The following GABRB1 variants were observed in gnomAD, a reference collection of about 807,000 sequenced individuals.
The protein encoded by GABRB1 is gamma-aminobutyric acid receptor subunit beta-1.
GABRB1 carries 17 observed loss-of-function variants against 51.6 expected under a neutral mutation model. The ratio of observed to expected loss-of-function variants is 0.33; its 90% CI spans 0.23 to 0.49. The LOEUF (loss-of-function observed/expected upper bound fraction) is 0.49. Among genes scored for constraint, GABRB1 ranks in the 20% least tolerant of loss-of-function variants. GABRB1 has a pLI of 0.99. For missense variants in GABRB1, 410 were observed against 600.6 expected (o/e 0.68, Z 3.32); for synonymous variants, 247 against 218.9 (o/e 1.13, Z -1.14).
At chr4:47,161,149 T>C (rs566688365) in intron 3 of GABRB1, 100 bp from the exon 4 acceptor site, 1 of 811,712 alleles carries the variant, frequency 1.2e-6, no homozygotes, top group Non-Finnish European at 1.9e-6. Flanking sequence ...TTTTAATATA[T>C]TCAAATGTAA....
chr4:47,342,368 A>G (rs1256825696), intron 5 of GABRB1, among the ~76,000 whole-genome samples: 1 of 151,136 alleles, frequency 6.6e-6, no homozygotes. Context: ...TACTTGTCTT[A>G]TTCTACAAAA....
chr4:47,036,006 ACCTTACATCGAATGAGT>A (rs1725540895), intron 3 of GABRB1, among the ~76,000 whole-genome samples: 1 of 152,086 alleles, frequency 6.6e-6, no homozygotes, highest in Non-Finnish European at 1.5e-5. Flanking sequence ...CCCCTAGAAG[ACCTTACATCGAATGAGT>A]CCTGACTCAA....
intron 3 of GABRB1, among the ~76,000 whole-genome samples, chr4:47,070,104 C>T (rs879441329): frequency 2.0e-5 from 3 of 151,774 alleles, no homozygotes; most frequent in African/African-American, 4.8e-5. Context: ...GGCATGATCT[C>T]GGCTCACTGC....
chr4:47,275,791 C>A (rs1723052725), intron 4 of GABRB1, among the ~76,000 whole-genome samples: 1 of 152,136 alleles, frequency 6.6e-6, no homozygotes, highest in South Asian at 2.1e-4. Context: ...AAGATTCATG[C>A]ACATTTGGCA....
At chr4:47,407,612 T>TTA (rs1728620296) in intron 8 of GABRB1, among the ~76,000 whole-genome samples, 1 of 152,218 alleles carries the variant, frequency 6.6e-6, no homozygotes, top group Non-Finnish European at 1.5e-5. Context: ...TACATTCAAA[T>TTA]GTGTATCTAC....
upstream of GABRB1, among the ~76,000 whole-genome samples, chr4:47,030,307 A>T (rs974224986): frequency 2.0e-5 from 3 of 152,080 alleles, no homozygotes; most frequent in Non-Finnish European, 2.9e-5. Flanking sequence ...TTTTTCTATT[A>T]CGTTTTTTTG....
At chr4:47,229,497 A>G (rs985450694) in intron 4 of GABRB1, among the ~76,000 whole-genome samples, 3 of 152,186 alleles carry the variant, frequency 2.0e-5, no homozygotes, top group Non-Finnish European at 2.9e-5. Context: ...TTTGGTAACC[A>G]TGGCGTCTAT....
intron 5 of GABRB1, among the ~76,000 whole-genome samples, chr4:47,376,134 G>A (rs74650712): frequency 0.048 from 7,252 of 152,228 alleles, 273 homozygotes; most frequent in East Asian, 0.15. Context: ...AGACTAAAAT[G>A]TTCCCAAAGG....
chr4:47,331,009 CA>C (rs1225820137), intron 5 of GABRB1, among the ~76,000 whole-genome samples: 1 of 152,062 alleles, frequency 6.6e-6, no homozygotes, highest in African/African-American at 2.4e-5. Context: ...TGCAAAACAC[CA>C]AAAATAACAG....
At chr4:47,111,263 A>G (rs1049020913) in intron 3 of GABRB1, among the ~76,000 whole-genome samples, 1 of 152,128 alleles carries the variant, frequency 6.6e-6, no homozygotes, top group Non-Finnish European at 1.5e-5. Context: ...TGGCATTATT[A>G]AGCTTCTGGG....
intron 4 of GABRB1, among the ~76,000 whole-genome samples, chr4:47,250,723 A>G (rs1721955765): frequency 6.6e-6 from 1 of 152,032 alleles, no homozygotes; most frequent in Non-Finnish European, 1.5e-5. Flanking sequence ...GAATTTCTTC[A>G]TTCTACTTGT....
Position 47,166,635 on chromosome 4 carries a change from G to T in GABRB1, c.461+5166G>T, listed in dbSNP as rs143736738. On this transcript the variant is annotated intron_variant, in intron 4 of 8. Transcript: ENST00000295454. ...TATGTTATTAATAGTTACATTGTGA[G>T]AGAGTCCATAGTTATACATGGATTT... is the stretch of plus-strand genomic sequence containing the variant. 4.6e-4 allele frequency among the ~76,000 whole-genome samples: 70 copies of T among 152,180 alleles called. 1 individual carries two copies. The highest frequency in any genetic ancestry group is 1.7e-3 in the African/African-American group (69 of 41,542).
rs147285973 is a variant in GABRB1, at chr4:47,336,472, G to A, written c.544+16263G>A. 4.6e-4 allele frequency among the ~76,000 whole-genome samples: 70 copies of A among 152,290 alleles called. 1 individual carries two copies. In the East Asian group the frequency reaches 0.012, roughly 25 times the overall value. ...CCGTTCCCATTTTTCCAAGGAGGAA[G>A]TGTTGTTACCATTTACCAATGAAGA... On this transcript the variant is annotated intron_variant, in intron 5 of 8. Coordinates refer to ENST00000295454, the MANE Select transcript of GABRB1 (RefSeq NM_000812.4).
At position 47,355,046 on chromosome 4, in the gene GABRB1, C is replaced by G. The variant is rs372359640; in HGVS notation, c.544+34837C>G. ...TGTCACCCAGGATGGAGTGCAGTGG[C>G]GCGATCTTGGCTCACTGCAACCTCC... On this transcript the variant is annotated intron_variant, in intron 5 of 8. Transcript: ENST00000295454. 3.1e-5 allele frequency among the ~76,000 whole-genome samples: 4 copies of G among 130,260 alleles called. No homozygotes were observed. The Admixed American group carries it at 3.7e-4, about 12-fold the overall frequency. 85.5% of individuals were successfully genotyped at this position (130,260 alleles called of 152,430 possible).
intron 5 of GABRB1, among the ~76,000 whole-genome samples, chr4:47,365,087 C>T (rs1256554545): frequency 1.1e-4 from 16 of 152,220 alleles, no homozygotes; most frequent in Non-Finnish European, 4.4e-5. Flanking sequence ...GAGCACCTAG[C>T]TGACTGCACT....
chr4:47,156,028 T>A (rs771491970), intron 3 of GABRB1, among the ~76,000 whole-genome samples: 46 of 150,386 alleles, frequency 3.1e-4, no homozygotes, highest in Middle Eastern at 3.5e-3. Flanking sequence ...AATGCTACAA[T>A]AAAAATGGGA....
intron 4 of GABRB1, among the ~76,000 whole-genome samples, chr4:47,248,228 G>A (rs1229258673): frequency 1.3e-5 from 2 of 152,086 alleles, no homozygotes; most frequent in East Asian, 1.9e-4. Flanking sequence ...ATCATAAAGG[G>A]ATGCTGGATT....
At chr4:47,114,991 C>A (rs1055888642) in intron 3 of GABRB1, among the ~76,000 whole-genome samples, 4 of 152,160 alleles carry the variant, frequency 2.6e-5, no homozygotes, top group African/African-American at 9.7e-5. Flanking sequence ...GACTTCTCTT[C>A]TTTAAGCTCT....
intron 3 of GABRB1, among the ~76,000 whole-genome samples, chr4:47,066,619 G>T (rs1201612546): frequency 6.6e-6 from 1 of 152,106 alleles, no homozygotes. Context: ...TTCATCTATA[G>T]GAAATAACTC....
Sources: allele counts gnomAD v4.1 joint callset (sites outside exome capture counted in the v4.1 genomes callset), GRCh38; gene constraint gnomAD v4.1.1; transcripts MANE v1.5; gene names NCBI Gene and HGNC (gene_info 2026-07-23, HGNC 2026-07-21).